Variants in RAD51B observed in about 807,000 individuals in gnomAD.
The protein encoded by RAD51B is DNA repair protein RAD51 homolog 2.
In RAD51B, 38 loss-of-function variants were observed where a neutral mutation model predicts 42.2. The ratio of observed to expected loss-of-function variants is 0.90; its 90% CI spans 0.70 to 1.18. RAD51B has a LOEUF of 1.18. RAD51B is among the 50% of genes most tolerant of loss of function. The pLI is 0.00. For missense variants in RAD51B, 373 were observed against 400.7 expected, an observed-to-expected ratio of 0.93 and a Z score of 0.59; for synonymous variants, 154 against 145.2, an observed-to-expected ratio of 1.06 and a Z score of -0.43.
chr14:68,414,876 A>G (rs1320854487), intron 9 of RAD51B, among the ~76,000 whole-genome samples: 1 of 149,394 alleles, frequency 6.7e-6, no homozygotes, highest in Non-Finnish European at 1.5e-5. Flanking sequence ...AAAAAAAAAA[A>G]AAAAAAATAG....
intron 7 of RAD51B, among the ~76,000 whole-genome samples, chr14:67,929,382 A>C (rs879555838): frequency 6.6e-6 from 1 of 152,064 alleles, no homozygotes; most frequent in Admixed American, 6.6e-5. Context: ...TTTAATTTCC[A>C]TGTATTTGTA....
chr14:68,134,278 T>C (rs537410436), intron 7 of RAD51B, among the ~76,000 whole-genome samples: 1 of 152,330 alleles, frequency 6.6e-6, no homozygotes, highest in African/African-American at 2.4e-5. Context: ...GTATATAGAA[T>C]TCATTTATTT....
At chr14:68,314,347 A>AAGGC (rs1323776136) in intron 8 of RAD51B, among the ~76,000 whole-genome samples, 1 of 152,136 alleles carries the variant, frequency 6.6e-6, no homozygotes, top group Non-Finnish European at 1.5e-5. Flanking sequence ...AGTGGTCAAC[A>AAGGC]AGGCATGAGC....
At chr14:68,675,467 C>T (rs769421007) in intron 11 of RAD51B, among the ~76,000 whole-genome samples, 1 of 152,092 alleles carries the variant, frequency 6.6e-6, no homozygotes, top group Non-Finnish European at 1.5e-5. Context: ...TTTTGGCCCC[C>T]AACACAGTAA....
chr14:68,172,991 A>T (rs547420516), intron 7 of RAD51B, among the ~76,000 whole-genome samples: 3 of 152,356 alleles, frequency 2.0e-5, no homozygotes, highest in East Asian at 3.9e-4. Context: ...GATGTGGCTA[A>T]TTATACAGCT....
intron 8 of RAD51B, among the ~76,000 whole-genome samples, chr14:68,393,592 G>A (rs1465665802): frequency 6.6e-6 from 1 of 152,150 alleles, no homozygotes; most frequent in Non-Finnish European, 1.5e-5. Flanking sequence ...GTTGAAGCAG[G>A]GAAATAAAAG....
At chr14:68,620,068 C>G (rs934799312) in intron 10 of RAD51B, among the ~76,000 whole-genome samples, 1 of 152,216 alleles carries the variant, frequency 6.6e-6, no homozygotes, top group Non-Finnish European at 1.5e-5. Context: ...TTCCAGGAGT[C>G]TTTCCAAGAT....
intron 10 of RAD51B, among the ~76,000 whole-genome samples, chr14:68,649,130 G>A (rs1892646618): frequency 6.6e-6 from 1 of 152,110 alleles, no homozygotes; most frequent in Admixed American, 6.6e-5. Flanking sequence ...GGATTCCTTG[G>A]GCACATTAGG....
chr14:67,838,300 A>AT (rs2041313407), intron 4 of RAD51B, among the ~76,000 whole-genome samples: 1 of 152,230 alleles, frequency 6.6e-6, no homozygotes, highest in Non-Finnish European at 1.5e-5. Flanking sequence ...ATACATGCGC[A>AT]TGCACATACA....
rs967174985 is a variant in RAD51B, at chr14:68,116,890, G to T, written c.757-174994G>T. Reference sequence around the variant, plus strand: ...TTAAGTAAATATTAAGGTTCAAAATGGGCAATATAATGAGCACATTTGAGG... The same window carrying T: ...TTAAGTAAATATTAAGGTTCAAAATTGGCAATATAATGAGCACATTTGAGG... On this transcript the variant is annotated intron_variant, in intron 7 of 10. Transcript: ENST00000471583. Among the ~76,000 whole-genome samples the T allele has an allele frequency of 3.3e-5, 5 of 152,106 alleles. No individual in the cohort carries two copies. The East Asian group carries it at 9.6e-4, about 29-fold the overall frequency.
chr14:68,665,853 C>T (rs1034544584), intron 11 of RAD51B, among the ~76,000 whole-genome samples: 3 of 152,192 alleles, frequency 2.0e-5, no homozygotes, highest in Admixed American at 6.6e-5. Context: ...CATGAGATTT[C>T]AGTGCAGCCA....
chr14:67,833,010 A>C (rs1330502647), intron 3 of RAD51B, among the ~76,000 whole-genome samples: 1 of 152,230 alleles, frequency 6.6e-6, no homozygotes, highest in African/African-American at 2.4e-5. Context: ...AGAATGATCA[A>C]AACCAACAAA....
intron 7 of RAD51B, among the ~76,000 whole-genome samples, chr14:68,007,712 CT>C (rs1244868915): frequency 6.6e-6 from 1 of 151,738 alleles, no homozygotes; most frequent in South Asian, 2.1e-4. Context: ...GGTAATTTGT[CT>C]TTTTATTGTT....
At chr14:67,883,284 C>G (rs1595057734) in intron 5 of RAD51B, among the ~76,000 whole-genome samples, 1 of 144,312 alleles carries the variant, frequency 6.9e-6, no homozygotes, top group East Asian at 2.0e-4. Flanking sequence ...TCTAGGCTTC[C>G]TATTTTGCTA....
chr14:68,658,839 AT>A (rs1471816127), intron 11 of RAD51B, among the ~76,000 whole-genome samples: 1 of 152,234 alleles, frequency 6.6e-6, no homozygotes. Flanking sequence ...AAGCAGGTAT[AT>A]TTATCCCCAG....
At chr14:67,825,284 C>T (rs1433512932) in intron 2 of RAD51B, among the ~76,000 whole-genome samples, 180 bp from the exon 3 acceptor site, 1 of 152,028 alleles carries the variant, frequency 6.6e-6, no homozygotes. Flanking sequence ...AAGTTTGTGT[C>T]ATTACAACTT....
rs140012429 is a variant in RAD51B, at chr14:68,328,142, G to A, written c.853+36162G>A. On this transcript the variant is annotated intron_variant, in intron 8 of 10. Transcript: ENST00000471583. The stretch of plus-strand genomic sequence containing the variant: ...TTTACTAAGCTGCCCTAAAGTCACT[G>A]CAAAATTTTGATCAGAACATTACTG... 3.0e-3 allele frequency among the ~76,000 whole-genome samples: 451 copies of A among 152,160 alleles called. 1 individual carries two copies. The highest frequency in any genetic ancestry group is 5.6e-3 in the Admixed American group (86 of 15,290).
intron 7 of RAD51B, among the ~76,000 whole-genome samples, chr14:68,204,851 A>G (rs1490043379): frequency 6.6e-6 from 1 of 152,240 alleles, no homozygotes; most frequent in Non-Finnish European, 1.5e-5. Context: ...TTTCAAGTAT[A>G]CACTGTATTG....
At chr14:68,465,592 A>T (rs1156526071) in intron 9 of RAD51B, among the ~76,000 whole-genome samples, 1 of 152,098 alleles carries the variant, frequency 6.6e-6, no homozygotes, top group South Asian at 2.1e-4. Flanking sequence ...AAAATCGAGA[A>T]CCACTGTTTT....
Sources: allele counts gnomAD v4.1 joint callset (sites outside exome capture counted in the v4.1 genomes callset), GRCh38; gene constraint gnomAD v4.1.1; transcripts MANE v1.5; gene names NCBI Gene and HGNC (gene_info 2026-07-23, HGNC 2026-07-21).